KCNH1: variants seen among roughly 807,000 people sequenced by gnomAD.
The protein encoded by KCNH1 is potassium voltage-gated channel subfamily H member 1.
A neutral mutation model predicts 69.2 loss-of-function variants in KCNH1; 27 were observed. That is an observed-to-expected ratio of 0.39 (90% CI 0.29 to 0.54). The LOEUF (loss-of-function observed/expected upper bound fraction) is 0.54. KCNH1 is among the 20% of genes least tolerant of loss of function. The pLI is 0.68. For synonymous variants in KCNH1, 456 were observed against 487.7 expected (o/e 0.93, Z 0.86); for missense variants, 798 against 1,261.6 (o/e 0.63, Z 5.57).
At chr1:210,847,745 A>T (rs1004520407) in intron 7 of KCNH1, among the ~76,000 whole-genome samples, 1 of 151,818 alleles carries the variant, frequency 6.6e-6, no homozygotes, top group Non-Finnish European at 1.5e-5. Flanking sequence ...ATAAAATTTT[A>T]AAAAATAAAT....
intron 3 of KCNH1, among the ~76,000 whole-genome samples, chr1:211,099,706 T>C (rs1019709231): frequency 2.0e-5 from 3 of 152,164 alleles, no homozygotes; most frequent in Non-Finnish European, 4.4e-5. Context: ...ATTCACCTCC[T>C]CACTCCTCAA....
At chr1:211,073,828 G>C (rs1690687251) in intron 5 of KCNH1, among the ~76,000 whole-genome samples, 1 of 151,608 alleles carries the variant, frequency 6.6e-6, no homozygotes, top group African/African-American at 2.4e-5. Context: ...TAAATCCAAA[G>C]TAAGCAGAAG....
chr1:210,967,171 C>G (rs1373512262), intron 6 of KCNH1, among the ~76,000 whole-genome samples: 2 of 151,280 alleles, frequency 1.3e-5, no homozygotes, highest in African/African-American at 4.9e-5. Context: ...TAGGGACTGT[C>G]AGGGGTTGGG....
In KCNH1 at chr1:210,718,283, AAT is replaced by A. The variant is rs558048448; in HGVS notation, c.2113-34147_2113-34146del. Reference sequence around the variant, plus strand: ...TATTATAAATATATGTGCATATAAAAATATGTGTATATAAATATATGTATATA... The same window carrying A: ...TATTATAAATATATGTGCATATAAAAATGTGTATATAAATATATGTATATA... On this transcript the variant is annotated intron_variant, in intron 10 of 10. Transcript: ENST00000271751. Among the ~76,000 whole-genome samples, 190 of 91,256 alleles carry A rather than the reference AAT, an allele frequency of 2.1e-3. 8 individuals are homozygous for A. Among genetic ancestry groups the A allele is most frequent in the African/African-American group, 5.5e-3 (181 of 32,804 alleles). 59.9% of individuals were successfully genotyped at this position (91,256 alleles called of 152,430 possible).
intron 9 of KCNH1, among the ~76,000 whole-genome samples, chr1:210,790,280 A>G (rs1684187488): frequency 6.6e-6 from 1 of 152,168 alleles, no homozygotes; most frequent in African/African-American, 2.4e-5. Context: ...CCACTTGGAT[A>G]CCCTATTGGC....
chr1:210,687,694 T>A (rs1355983207), intron 10 of KCNH1, among the ~76,000 whole-genome samples: 2 of 152,346 alleles, frequency 1.3e-5, no homozygotes, highest in South Asian at 4.1e-4. Flanking sequence ...TAACTTCGAC[T>A]GCTTTTCTGG....
intron 5 of KCNH1, among the ~76,000 whole-genome samples, chr1:211,042,863 G>A (rs911448466): frequency 6.6e-6 from 1 of 152,140 alleles, no homozygotes; most frequent in Non-Finnish European, 1.5e-5. Context: ...ACCTGCTCCT[G>A]AATAATCATT....
intron 6 of KCNH1, among the ~76,000 whole-genome samples, chr1:211,001,879 T>C (rs934230030): frequency 3.0e-5 from 4 of 131,336 alleles, no homozygotes; most frequent in African/African-American, 1.4e-4. Flanking sequence ...TGGATGAAGC[T>C]AGAACCATCA....
At chr1:210,691,504 C>T (rs1001661484) in intron 10 of KCNH1, among the ~76,000 whole-genome samples, 4 of 152,168 alleles carry the variant, frequency 2.6e-5, no homozygotes, top group Non-Finnish European at 5.9e-5. Context: ...GAGCCAAACC[C>T]GGGCAACCTG....
At chr1:210,837,385 G>A (rs1251331316) in intron 7 of KCNH1, among the ~76,000 whole-genome samples, 1 of 152,062 alleles carries the variant, frequency 6.6e-6, no homozygotes, top group East Asian at 1.9e-4. Flanking sequence ...CTCAGATTGT[G>A]AATTCCTTAA....
intron 1 of KCNH1, among the ~76,000 whole-genome samples, chr1:211,116,519 G>A (rs1302775430): frequency 6.6e-6 from 1 of 152,130 alleles, no homozygotes; most frequent in African/African-American, 2.4e-5. Flanking sequence ...TGAGAGAAAG[G>A]AGTGTCCACC....
intron 7 of KCNH1, among the ~76,000 whole-genome samples, chr1:210,829,337 T>C (rs1301135839): frequency 1.3e-5 from 2 of 152,200 alleles, no homozygotes; most frequent in Non-Finnish European, 2.9e-5. Flanking sequence ...AATGTCTTGT[T>C]TATTACATTC....
chr1:210,890,337 C>T (rs1686718104), intron 7 of KCNH1, among the ~76,000 whole-genome samples: 1 of 152,070 alleles, frequency 6.6e-6, no homozygotes, highest in African/African-American at 2.4e-5. Flanking sequence ...AACTGGCTAG[C>T]CATATGCAGA....
chr1:210,725,215 A>G (rs1682558680), intron 10 of KCNH1, among the ~76,000 whole-genome samples: 1 of 152,182 alleles, frequency 6.6e-6, no homozygotes, highest in Non-Finnish European at 1.5e-5. Flanking sequence ...CCGTAGCTGC[A>G]CTACACAGAC....
At chr1:210,729,916 C>T (rs1200497310) in intron 10 of KCNH1, among the ~76,000 whole-genome samples, 1 of 152,156 alleles carries the variant, frequency 6.6e-6, no homozygotes, top group Non-Finnish European at 1.5e-5. Flanking sequence ...GTATCAATAT[C>T]CATTGTCTTT....
At chr1:210,877,679 T>G (rs188798105) in intron 7 of KCNH1, among the ~76,000 whole-genome samples, 3 of 152,282 alleles carry the variant, frequency 2.0e-5, no homozygotes, top group Admixed American at 1.3e-4. Flanking sequence ...TACAACCTTC[T>G]GAAGAAAATA....
chr1:210,846,172 T>G (rs1183705293), intron 7 of KCNH1, among the ~76,000 whole-genome samples: 8 of 152,184 alleles, frequency 5.3e-5, no homozygotes, highest in Non-Finnish European at 1.2e-4. Flanking sequence ...ATTTATAGAT[T>G]CAATGCCATC....
chr1:210,982,226 T>TATC (rs1257090491), intron 6 of KCNH1, among the ~76,000 whole-genome samples: 1 of 150,836 alleles, frequency 6.6e-6, no homozygotes, highest in Non-Finnish European at 1.5e-5. Context: ...ATACTTTTAT[T>TATC]ATTATTATTA....
intron 10 of KCNH1, among the ~76,000 whole-genome samples, chr1:210,744,246 G>T (rs1037106312): frequency 6.6e-6 from 1 of 152,228 alleles, no homozygotes; most frequent in African/African-American, 2.4e-5. Flanking sequence ...ATCGGCCCAT[G>T]TAAGTCTATT....
Sources: gnomAD v4.1 joint callset for allele counts (sites outside exome capture counted in the v4.1 genomes callset) on GRCh38, gnomAD v4.1.1 for gene constraint, MANE v1.5 for transcripts, NCBI Gene and HGNC (gene_info 2026-07-23, HGNC 2026-07-21) for gene names.